Variants in TMEM217B observed in about 807,000 individuals in gnomAD.
TMEM217B encodes putative transmembrane protein 217B.
At chr6:37,242,001 G>A in the TMEM217B span, among the ~76,000 whole-genome samples, 32 of 148,884 alleles carry the variant, frequency 2.1e-4, no homozygotes, top group Non-Finnish European at 4.4e-4. Context: ...GGAAAAATTC[G>A]ATCTCAATTT....
chr6:37,234,652 C>G, the TMEM217B span, among the ~76,000 whole-genome samples: 18 of 152,076 alleles, frequency 1.2e-4, no homozygotes, highest in Admixed American at 9.2e-4. Flanking sequence ...AAGAGAATTA[C>G]TTGAACCTAG....
chr6:37,257,312 C>T, the TMEM217B span, among the ~76,000 whole-genome samples: 1 of 152,184 alleles, frequency 6.6e-6, no homozygotes, highest in East Asian at 1.9e-4. Flanking sequence ...TATCGGGTCC[C>T]TGCTGACCTT....
At chr6:37,257,503 T>C in the TMEM217B span, 1 of 195,138 alleles carries the variant, frequency 5.1e-6, no homozygotes, top group Non-Finnish European at 1.1e-5. Flanking sequence ...AATATTAGAC[T>C]AAGGAACTTC....
chr6:37,240,426 T>C, the TMEM217B span, among the ~76,000 whole-genome samples: 1 of 152,238 alleles, frequency 6.6e-6, no homozygotes, highest in Admixed American at 6.5e-5. Flanking sequence ...CCTCACCTCC[T>C]GGGCCTTTCT....
At chr6:37,216,197 G>T in the TMEM217B span, among the ~76,000 whole-genome samples, 1 of 152,064 alleles carries the variant, frequency 6.6e-6, no homozygotes, top group Admixed American at 6.5e-5. Flanking sequence ...TCCTGCCTCA[G>T]CCTCCCGAGT....
chr6:37,216,475 G>A, the TMEM217B span, among the ~76,000 whole-genome samples: 1 of 152,164 alleles, frequency 6.6e-6, no homozygotes, highest in Non-Finnish European at 1.5e-5. Context: ...GAGAGGCTAT[G>A]GAAGGAAATA....
the TMEM217B span, among the ~76,000 whole-genome samples, chr6:37,245,695 CAGGAGG>C: frequency 1.3e-5 from 2 of 151,402 alleles, no homozygotes; most frequent in African/African-American, 2.4e-5. Flanking sequence ...AGAGGAGGAG[CAGGAGG>C]AGGAGGAGGA....
chr6:37,212,957 T>A, the TMEM217B span: 2 of 1,549,026 alleles, frequency 1.3e-6, no homozygotes, highest in Admixed American at 3.9e-5. Context: ...AGGGAGAACA[T>A]CCTGACATTC....
the TMEM217B span, among the ~76,000 whole-genome samples, chr6:37,224,514 C>T: frequency 1.1e-4 from 16 of 151,904 alleles, no homozygotes; most frequent in African/African-American, 3.1e-4. Context: ...AGGAGAATGG[C>T]GTGAACCCAG....
the TMEM217B span, among the ~76,000 whole-genome samples, chr6:37,250,987 C>T: frequency 6.6e-6 from 1 of 152,052 alleles, no homozygotes; most frequent in Non-Finnish European, 1.5e-5. Context: ...TAGATTACTG[C>T]CCTTTTAAGA....
the TMEM217B span, among the ~76,000 whole-genome samples, chr6:37,221,829 C>T: frequency 6.6e-6 from 1 of 152,174 alleles, no homozygotes; most frequent in African/African-American, 2.4e-5. Context: ...AAAGGAGACT[C>T]GCAGTGGGTA....
At chr6:37,255,764 T>A in the TMEM217B span, among the ~76,000 whole-genome samples, 1 of 151,784 alleles carries the variant, frequency 6.6e-6, no homozygotes, top group Non-Finnish European at 1.5e-5. Flanking sequence ...GGGAGCCGAA[T>A]AGCAGGCTGC....
the TMEM217B span, among the ~76,000 whole-genome samples, chr6:37,222,161 T>A: frequency 2.0e-5 from 3 of 152,200 alleles, no homozygotes; most frequent in Non-Finnish European, 4.4e-5. Flanking sequence ...GATTGGTACA[T>A]CGGGGGCCAT....
chr6:37,215,140 C>G, the TMEM217B span: 1 of 1,600,774 alleles, frequency 6.2e-7, no homozygotes, highest in Admixed American at 1.7e-5. Flanking sequence ...AATGGCCTAA[C>G]TTCCCTTTCT....
the TMEM217B span, among the ~76,000 whole-genome samples, chr6:37,252,631 ATATATATTTT>A: frequency 2.2e-4 from 17 of 77,308 alleles, no homozygotes; most frequent in African/African-American, 1.0e-3. Flanking sequence ...ATATATATAT[ATATATATTTT>A]TTTTTTTTTT....
chr6:37,231,226 ATTTTT>A, the TMEM217B span, among the ~76,000 whole-genome samples: 7 of 87,444 alleles, frequency 8.0e-5, no homozygotes, highest in African/African-American at 3.2e-4. Flanking sequence ...TGCCTGGCTA[ATTTTT>A]TTTTTTTTTT....
At chr6:37,214,528 T>G in the TMEM217B span, among the ~76,000 whole-genome samples, 2 of 151,962 alleles carry the variant, frequency 1.3e-5, no homozygotes, top group African/African-American at 2.4e-5. Flanking sequence ...TGCCTGGCCA[T>G]CTTCAGAACT....
At chr6:37,235,691 G>T in the TMEM217B span, among the ~76,000 whole-genome samples, 1 of 152,136 alleles carries the variant, frequency 6.6e-6, no homozygotes, top group South Asian at 2.1e-4. Flanking sequence ...GGTTCTGGAG[G>T]CTGGAAAGTC....
chr6:37,218,967 TGAA>T, the TMEM217B span: 1 of 1,614,170 alleles, frequency 6.2e-7, no homozygotes, highest in Non-Finnish European at 8.5e-7. Flanking sequence ...GCCATGATGG[TGAA>T]GACCCCTGAC....
Sources: allele counts gnomAD v4.1 joint callset (sites outside exome capture counted in the v4.1 genomes callset), GRCh38; gene constraint gnomAD v4.1.1; transcripts MANE v1.5; gene names NCBI Gene and HGNC (gene_info 2026-07-23, HGNC 2026-07-21).